Variants in VPS13C observed in about 807,000 individuals in gnomAD.
VPS13C encodes the protein vacuolar protein sorting 13 homolog C, also known as intermembrane lipid transfer protein VPS13C.
Under a neutral mutation model 456.8 loss-of-function variants are expected in VPS13C, and 358 were observed. The observed-to-expected ratio is 0.78, with a 90% CI of 0.72 to 0.86. The LOEUF (loss-of-function observed/expected upper bound fraction) is 0.86, where lower values mean the gene tolerates loss of function less well. VPS13C is among the 40% of genes least tolerant of loss of function. The pLI is 0.00. For synonymous variants in VPS13C, 1,578 were observed against 1,486.7 expected (o/e 1.06, Z -1.41); for missense variants, 4,818 against 4,385.4 (o/e 1.10, Z -2.79).
At chr15:61,935,322 T>C (rs2044191856) in intron 48 of VPS13C, 1 of 152,202 alleles carries the variant, frequency 6.6e-6, no homozygotes, top group Non-Finnish European at 1.5e-5. Flanking sequence ...TTTTTTGTCA[T>C]ACTATAGAAC....
At chr15:61,919,533 T>C in intron 57 of VPS13C, 84 bp from the exon 58 acceptor site, 6 of 1,305,246 alleles carry the variant, frequency 4.6e-6, no homozygotes, top group Non-Finnish European at 6.0e-6. Flanking sequence ...CTCAAAATAA[T>C]GAAGAGTATT....
intron 8 of VPS13C, 134 bp from the exon 9 acceptor site, chr15:62,020,672 G>A (rs2140565311): frequency 1.4e-6 from 1 of 696,966 alleles, no homozygotes; most frequent in South Asian, 2.3e-5. Flanking sequence ...GGAAAACACA[G>A]GGGAAGGAGG....
At chr15:62,012,783 C>G (rs1441176556) in intron 11 of VPS13C, among the ~76,000 whole-genome samples, 1 of 151,770 alleles carries the variant, frequency 6.6e-6, no homozygotes, top group Non-Finnish European at 1.5e-5. Context: ...TGTAAAAAAG[C>G]ATAAATACAG....
Position 61,992,963 on chromosome 15 carries a change from G to C in VPS13C, c.1354-1161C>G, listed in dbSNP as rs558086390. Among the ~76,000 whole-genome samples the C allele has an allele frequency of 1.2e-4, 18 of 151,986 alleles. No homozygotes were observed. The South Asian group carries it at 1.3e-3, about 11-fold the overall frequency. ...AACAAACTAGTTTCCTTCAACAGCA[G>C]AGATCATGATAAAGGGAATTAACTG... is the stretch of plus-strand genomic sequence containing the variant. On this transcript the variant is annotated intron_variant, in intron 16 of 84. Coordinates refer to ENST00000644861, the MANE Select transcript of VPS13C (RefSeq NM_020821.3).
chr15:61,869,519 T>A lies in VPS13C; in HGVS notation c.10729A>T (p.Thr3577Ser), dbSNP rs1195369453. The A allele has an allele frequency of 6.2e-7, 1 of 1,614,152 alleles. No homozygotes were observed. The change falls in exon 80 of 85, where the codon ACC becomes TCC. Residue 3577 changes from threonine (T) to serine (S), a missense_variant. Thr to Ser is a moderately conservative substitution (Grantham distance 58). Around this residue, in one of 3 missense-constraint regions of VPS13C, gnomAD observed 261 missense variants for 234.1 expected, o/e 1.11. Transcript: ENST00000644861. ...AATTACCTCTGAATGCCTTGGAAGG[T>A]ACTACTGGCCATATCTACGATTCCA... ...TGGIVDMASS[T>S]FQGIQRAAES...
At chr15:61,956,939 T>C (rs967415695) in intron 37 of VPS13C, among the ~76,000 whole-genome samples, 1 of 152,104 alleles carries the variant, frequency 6.6e-6, no homozygotes, top group Non-Finnish European at 1.5e-5. Context: ...TATGACCCAG[T>C]AATTCTACTC....
At chr15:61,874,289 C>G (rs1472987742) in intron 77 of VPS13C, among the ~76,000 whole-genome samples, 1 of 151,912 alleles carries the variant, frequency 6.6e-6, no homozygotes, top group African/African-American at 2.4e-5. Context: ...CTATAGTTAA[C>G]AACAACTTAT....
intron 3 of VPS13C, among the ~76,000 whole-genome samples, chr15:62,040,334 T>C (rs2048198285): frequency 6.6e-6 from 1 of 152,130 alleles, no homozygotes; most frequent in African/African-American, 2.4e-5. Flanking sequence ...CACATTTACA[T>C]ATAACTAAGA....
At position 62,007,170 on chromosome 15, in the gene VPS13C, T is replaced by A. The variant is rs900458979; in HGVS notation, c.1290+138A>T. ...AAAACTGGAAAAAAAAAATTCTGCA[T>A]TTTCCCACATAATTCTCTCTCAAAA... On this transcript the variant is annotated intron_variant, in intron 15 of 84. Transcript: ENST00000644861. The A allele has an allele frequency of 7.6e-6, 6 of 792,812 alleles. No homozygotes were observed. In the African/African-American group the frequency reaches 1.1e-4, roughly 14 times the overall value. The allele number at this position is 792,812 out of a possible 1,614,324, so 49.1% of individuals were successfully genotyped here.
chr15:61,987,659 G>C (rs139015091), intron 18 of VPS13C, among the ~76,000 whole-genome samples: 3 of 152,128 alleles, frequency 2.0e-5, no homozygotes, highest in Non-Finnish European at 4.4e-5. Context: ...AACATCATTA[G>C]TCATTAGGAA....
rs374500259 is a variant in VPS13C, at chr15:61,854,884, G to C, written c.11147C>G (p.Thr3716Ser). The part of the protein sequence containing the change: ...GCVRKVYLKD[T>S]ATAERACNAI... ...TAAATTGTTTACCTCTGCTGTGGCG[G>C]TGTCCTTCAGGTAAACTTTTCGAAC... Residue 3716 changes from threonine (T) to serine (S), a missense_variant, in exon 84 of 85, where the codon ACC (threonine) becomes AGC (serine). Thr to Ser is a moderately conservative substitution (Grantham distance 58). Transcript: ENST00000644861. The C allele has an allele frequency of 1.2e-6, 2 of 1,612,958 alleles. No homozygotes were observed. The highest frequency in any genetic ancestry group is 2.2e-5 in the East Asian group (1 of 44,854).
intron 53 of VPS13C, among the ~76,000 whole-genome samples, chr15:61,923,208 GA>G (rs11377834): frequency 1.4e-3 from 199 of 139,902 alleles, no homozygotes; most frequent in African/African-American, 4.4e-3. Context: ...AAGATCTTCT[GA>G]AAAAAAAAAA....
intron 32 of VPS13C, among the ~76,000 whole-genome samples, chr15:61,963,534 AGACT>A (rs1439432492): frequency 6.6e-6 from 1 of 152,142 alleles, no homozygotes; most frequent in Non-Finnish European, 1.5e-5. Flanking sequence ...CCTAAAATCT[AGACT>A]GACACTTCTC....
chr15:61,991,885 G>GT, intron 16 of VPS13C, 83 bp from the exon 17 acceptor site: 7 of 1,415,954 alleles, frequency 4.9e-6, no homozygotes, highest in South Asian at 4.2e-5. Flanking sequence ...AAAAACAATG[G>GT]TTCTTTTTTT....
intron 18 of VPS13C, among the ~76,000 whole-genome samples, chr15:61,985,632 T>C (rs1309064613): frequency 6.6e-6 from 1 of 152,164 alleles, no homozygotes; most frequent in Non-Finnish European, 1.5e-5. Context: ...ATTCAGCAGC[T>C]TTTTCTGAAA....
intron 66 of VPS13C, among the ~76,000 whole-genome samples, chr15:61,895,832 G>C (rs2042792926): frequency 6.6e-6 from 1 of 152,130 alleles, no homozygotes; most frequent in East Asian, 1.9e-4. Context: ...GATAGGGAAA[G>C]ATTTCTTAAA....
intron 1 of VPS13C, among the ~76,000 whole-genome samples, chr15:62,055,533 G>A: frequency 6.6e-6 from 1 of 151,488 alleles, no homozygotes; most frequent in Non-Finnish European, 1.5e-5. Context: ...GAGCCACGGT[G>A]CCTGGCCTCT....
At chr15:61,985,952 G>C (rs2046038142) in intron 18 of VPS13C, among the ~76,000 whole-genome samples, 1 of 151,930 alleles carries the variant, frequency 6.6e-6, no homozygotes, top group African/African-American at 2.4e-5. Context: ...ACATTCTTTT[G>C]CCTGGGACCC....
At chr15:61,917,163 A>C (rs1007082149) in intron 60 of VPS13C, among the ~76,000 whole-genome samples, 178 bp downstream of exon 60, 2 of 152,204 alleles carry the variant, frequency 1.3e-5, no homozygotes, top group Non-Finnish European at 2.9e-5. Context: ...AAGCACACAG[A>C]GCAGTTCCTG....
Sources: allele counts gnomAD v4.1 joint callset (sites outside exome capture counted in the v4.1 genomes callset), GRCh38; gene constraint gnomAD v4.1.1; regional missense constraint gnomAD v4.1.1; transcripts MANE v1.5; gene names NCBI Gene and HGNC (gene_info 2026-07-23, HGNC 2026-07-21).